BMPR1A: variants seen among roughly 807,000 people sequenced by gnomAD.
The protein encoded by BMPR1A is bone morphogenetic protein receptor type 1A, also known as bone morphogenetic protein receptor type-1A.
BMPR1A carries 7 observed loss-of-function variants against 66.0 expected under a neutral mutation model. The ratio of observed to expected loss-of-function variants is 0.11; its 90% CI spans 0.06 to 0.20. BMPR1A has a LOEUF of 0.20. Ranked by LOEUF, BMPR1A falls within the 10% of genes least tolerant of loss-of-function variation. The probability of loss-of-function intolerance (pLI) is 1.00; values close to 1 mark genes in which losing one functional copy is unlikely to be tolerated. For missense variants in BMPR1A, 408 were observed against 669.1 expected (o/e 0.61, Z 4.31); for synonymous variants, 200 against 229.7 (o/e 0.87, Z 1.17).
At chr10:86,888,372 G>A (rs1011245008) in intron 3 of BMPR1A, among the ~76,000 whole-genome samples, 1 of 152,130 alleles carries the variant, frequency 6.6e-6, no homozygotes, top group African/African-American at 2.4e-5. Context: ...GGAGTCTGAG[G>A]CAGGAGAATT....
intron 2 of BMPR1A, among the ~76,000 whole-genome samples, chr10:86,871,756 T>A (rs1461758082): frequency 6.6e-6 from 1 of 151,574 alleles, no homozygotes; most frequent in Non-Finnish European, 1.5e-5. Flanking sequence ...GAGCTGAGGT[T>A]GTACCACTGC....
At chr10:86,840,623 A>G (rs1842413541) in intron 2 of BMPR1A, among the ~76,000 whole-genome samples, 1 of 152,070 alleles carries the variant, frequency 6.6e-6, no homozygotes, top group South Asian at 2.1e-4. Context: ...ATTTTCTCTA[A>G]GCTTCAGGCC....
intron 1 of BMPR1A, among the ~76,000 whole-genome samples, chr10:86,822,577 T>G (rs559874893): frequency 2.6e-5 from 4 of 152,194 alleles, no homozygotes; most frequent in Non-Finnish European, 4.4e-5. Flanking sequence ...TGTGTGACTT[T>G]GAGAAGGTTA....
At chr10:86,832,867 A>G (rs930706970) in intron 1 of BMPR1A, among the ~76,000 whole-genome samples, 8 of 152,230 alleles carry the variant, frequency 5.3e-5, no homozygotes, top group South Asian at 2.1e-4. Context: ...CAAAGCTGCT[A>G]TGAACATCTG....
chr10:86,839,601 A>G (rs1842397554), intron 2 of BMPR1A, among the ~76,000 whole-genome samples: 1 of 151,688 alleles, frequency 6.6e-6, no homozygotes, highest in Non-Finnish European at 1.5e-5. Context: ...TCAAAAAAAA[A>G]AAAAAAAAAA....
intron 1 of BMPR1A, among the ~76,000 whole-genome samples, chr10:86,832,195 C>T (rs768754657): frequency 4.6e-5 from 7 of 152,156 alleles, no homozygotes; most frequent in South Asian, 2.1e-4. Flanking sequence ...AGGCCGGGCG[C>T]GGTGGCTCAT....
chr10:86,859,746 G>A (rs927416032), intron 2 of BMPR1A, among the ~76,000 whole-genome samples: 5 of 151,992 alleles, frequency 3.3e-5, no homozygotes, highest in African/African-American at 1.2e-4. Context: ...GGAGGCGGAG[G>A]TTGCAGTGAG....
At chr10:86,790,176 AAAAAAAAAAAAAATATATATATATATAT>A (rs1250049899) in intron 1 of BMPR1A, among the ~76,000 whole-genome samples, 4 of 43,070 alleles carry the variant, frequency 9.3e-5, no homozygotes, top group African/African-American at 1.1e-4. Flanking sequence ...AAAAAAAAAA[AAAAAAAAAAAAAATATATATATATATAT>A]ATATATATAT....
chr10:86,760,294 C>T (rs1391437586), intron 1 of BMPR1A, among the ~76,000 whole-genome samples: 7 of 126,066 alleles, frequency 5.6e-5, no homozygotes, highest in Non-Finnish European at 9.4e-5. Context: ...CGCACTGTCG[C>T]CTGGGCTGGA....
chr10:86,820,372 C>G (rs201761303), intron 1 of BMPR1A, among the ~76,000 whole-genome samples: 1 of 142,590 alleles, frequency 7.0e-6, no homozygotes, highest in Non-Finnish European at 1.5e-5. Context: ...AAGATGACAT[C>G]TTTTTTTTTT....
chr10:86,851,443 G>A (rs1341602464), intron 2 of BMPR1A, among the ~76,000 whole-genome samples: 8 of 152,198 alleles, frequency 5.3e-5, no homozygotes, highest in Admixed American at 5.2e-4. Flanking sequence ...TTTATAAGAG[G>A]AGGAATCATG....
rs1843715348 is a variant in BMPR1A at position 86,924,667 on chromosome 10, A to G, written c.*948A>G. On this transcript the variant is annotated 3_prime_UTR_variant, in exon 13 of 13. Coordinates refer to ENST00000372037, the MANE Select transcript of BMPR1A (RefSeq NM_004329.3). ...GTAAGTGCCTATAACCATGTTCTAT[A>G]TTCTTTATTCTCAGTAACTTTTAAA... 1 of 233,032 alleles carries G rather than the reference A, an allele frequency of 4.3e-6. No individual in the cohort carries two copies. Among genetic ancestry groups the G allele is most frequent in the Non-Finnish European group, 8.5e-6 (1 of 117,984 alleles). The allele number at this position is 233,032 out of a possible 1,614,324, so 14.4% of individuals were successfully genotyped here. A position where few individuals can be genotyped will look rare whatever the true frequency, so the allele number is the denominator to read the frequency against.
rs145316158 is a variant in BMPR1A at position 86,815,512 on chromosome 10, C to T, written c.-267-23353C>T. Among the ~76,000 whole-genome samples the T allele has an allele frequency of 3.3e-5, 5 of 152,230 alleles. No individual in the cohort carries two copies. The East Asian group carries it at 7.7e-4, about 23-fold the overall frequency. ...TGCATCTTCAAATGTGCCCACTGTT[C>T]GTTCCAATGAAGACTTGTTTGTTAT... On this transcript the variant is annotated intron_variant, in intron 1 of 12. Transcript: ENST00000372037.
At chr10:86,799,156 A>G (rs1368777351) in intron 1 of BMPR1A, among the ~76,000 whole-genome samples, 1 of 152,134 alleles carries the variant, frequency 6.6e-6, no homozygotes, top group Non-Finnish European at 1.5e-5. Flanking sequence ...TTTACCTTGC[A>G]TTTTTGTTAC....
At chr10:86,835,549 CAAAAAAAAAAAAAAAAAAAAAAAAAA>C (rs55804247) in intron 1 of BMPR1A, among the ~76,000 whole-genome samples, 7 of 44,338 alleles carry the variant, frequency 1.6e-4, no homozygotes, top group Admixed American at 9.8e-4. Context: ...GACTCTGTAT[CAAAAAAAAAAAAAAAAAAAAAAAAAA>C]AAAAAAAAAA....
At chr10:86,840,004 A>G (rs1270009270) in intron 2 of BMPR1A, among the ~76,000 whole-genome samples, 1 of 152,144 alleles carries the variant, frequency 6.6e-6, no homozygotes, top group Non-Finnish European at 1.5e-5. Flanking sequence ...AGATCTTTGG[A>G]AATAGAATTT....
At position 86,912,302 on chromosome 10, in the gene BMPR1A, C is replaced by A. The variant is rs776160961; in HGVS notation, c.593C>A (p.Ala198Glu). ...AATCGTGATTTGGAACAGGATGAAG[C>A]ATTTATTCCAGTTGGAGAATCACTA... ...RYNRDLEQDE[A>E]FIPVGESLKD... Residue 198 changes from alanine (A) to glutamate (E), a missense_variant, in exon 8 of 13, where the codon GCA becomes GAA. Physicochemically the swap from Ala to Glu is moderately radical, Grantham distance 107. This residue lies in a region of BMPR1A where 174 missense variants were observed against 265.1 expected (regional missense o/e 0.66). Coordinates refer to ENST00000372037, the MANE Select transcript of BMPR1A (RefSeq NM_004329.3). 5 of 1,613,962 alleles carry A rather than the reference C, an allele frequency of 3.1e-6. No individual in the cohort carries two copies. The highest frequency in any genetic ancestry group is 4.2e-6 in the Non-Finnish European group (5 of 1,179,944).
intron 2 of BMPR1A, among the ~76,000 whole-genome samples, chr10:86,847,688 ATG>A (rs1842507027): frequency 6.6e-6 from 1 of 151,972 alleles, no homozygotes; most frequent in African/African-American, 2.4e-5. Flanking sequence ...ACACGTGTGT[ATG>A]TGTGTGTATA....
At chr10:86,877,614 T>C (rs912158522) in intron 3 of BMPR1A, among the ~76,000 whole-genome samples, 1 of 152,182 alleles carries the variant, frequency 6.6e-6, no homozygotes, top group Admixed American at 6.5e-5. Context: ...TCCTTAGTAT[T>C]ACCATGCTAA....
Sources: allele counts gnomAD v4.1 joint callset (sites outside exome capture counted in the v4.1 genomes callset), GRCh38; gene constraint gnomAD v4.1.1; regional missense constraint gnomAD v4.1.1; transcripts MANE v1.5; gene names NCBI Gene and HGNC (gene_info 2026-07-23, HGNC 2026-07-21).